TMEM132D: variants seen among roughly 807,000 people sequenced by gnomAD.
TMEM132D encodes mature OL transmembrane protein.
A neutral mutation model predicts 62.3 loss-of-function variants in TMEM132D; 21 were observed. The ratio of observed to expected loss-of-function variants is 0.34; its 90% CI spans 0.24 to 0.49. TMEM132D has a LOEUF of 0.49. Among genes scored for constraint, TMEM132D ranks in the 20% least tolerant of loss-of-function variants. The probability of loss-of-function intolerance (pLI) is 0.99; values close to 1 mark genes in which losing one functional copy is unlikely to be tolerated. For missense variants in TMEM132D, 1,346 were observed against 1,402.8 expected (o/e 0.96, Z 0.65); for synonymous variants, 621 against 575.6 (o/e 1.08, Z -1.13).
At chr12:129,137,179 C>G (rs368266250) in intron 5 of TMEM132D, among the ~76,000 whole-genome samples, 2 of 151,918 alleles carry the variant, frequency 1.3e-5, no homozygotes, top group African/African-American at 4.8e-5. Flanking sequence ...TCATCATCAC[C>G]ACCATCATCA....
At chr12:129,397,401 T>C (rs766137961) in intron 3 of TMEM132D, among the ~76,000 whole-genome samples, 3 of 152,176 alleles carry the variant, frequency 2.0e-5, no homozygotes, top group Non-Finnish European at 4.4e-5. Context: ...CTTTAAAACA[T>C]GCCCAGTCTA....
At chr12:129,768,891 G>A (rs1870641142) in intron 1 of TMEM132D, among the ~76,000 whole-genome samples, 2 of 152,182 alleles carry the variant, frequency 1.3e-5, no homozygotes, top group Non-Finnish European at 1.5e-5. Flanking sequence ...GAACTTTTAG[G>A]ATACTGTGGG....
intron 3 of TMEM132D, among the ~76,000 whole-genome samples, chr12:129,346,171 G>T (rs573569297): frequency 6.6e-5 from 10 of 152,236 alleles, no homozygotes; most frequent in Non-Finnish European, 1.0e-4. Context: ...TCTTTGTAGG[G>T]TGTGTTTGTC....
intron 1 of TMEM132D, among the ~76,000 whole-genome samples, chr12:129,832,035 CTTTTTTTTTTTT>C (rs71085577): frequency 1.2e-4 from 11 of 94,172 alleles, no homozygotes; most frequent in East Asian, 3.2e-4. Flanking sequence ...ATGCCCGGCT[CTTTTTTTTTTTT>C]TTTTTTTTTT....
In TMEM132D at chr12:129,073,745, G is replaced by A. The variant is rs1327168470; in HGVS notation, c.*130C>T. The A allele has an allele frequency of 3.6e-6, 3 of 835,406 alleles. No individual in the cohort carries two copies. Among genetic ancestry groups the A allele is most frequent in the Non-Finnish European group, 5.5e-6 (3 of 544,952 alleles). 51.7% of individuals were successfully genotyped at this position (835,406 alleles called of 1,614,324 possible). A position where few individuals can be genotyped will look rare whatever the true frequency, so the allele number is the denominator to read the frequency against. ...CGCCGCCGAGCCGGGGTCATTGGCT[G>A]AGGCTGTATGGATAGTGTCATCCTT... On this transcript the variant is annotated 3_prime_UTR_variant, in exon 9 of 9. Transcript: ENST00000422113.
chr12:129,074,688 T>A lies in TMEM132D; in HGVS notation c.2487A>T (p.Lys829Asn), dbSNP rs779202020. The A allele has an allele frequency of 6.2e-7, 1 of 1,614,016 alleles. No individual in the cohort carries two copies. The highest frequency in any genetic ancestry group is 1.1e-5 in the South Asian group (1 of 91,070). Residue 829 changes from lysine to asparagine, a missense_variant, in exon 9 of 9, where the codon AAA becomes AAT. Coordinates refer to ENST00000422113, the MANE Select transcript of TMEM132D (RefSeq NM_133448.3). ...ENNVSDRRPKKPSQEWGSQEG... is the reference protein window; with the variant it reads ...ENNVSDRRPKNPSQEWGSQEG... ...CCTGACTCCCCCATTCCTGCGAGGG[T>A]TTTTTGGGCCTTCTGTCACTGACAT...
chr12:129,624,661 G>C (rs543398067), intron 2 of TMEM132D, among the ~76,000 whole-genome samples: 1 of 152,394 alleles, frequency 6.6e-6, no homozygotes, highest in African/African-American at 2.4e-5. Context: ...TCTCCTGCCA[G>C]TGCCTCCCAT....
At position 129,592,091 on chromosome 12, in the gene TMEM132D, C is replaced by T. The variant is rs191387038; in HGVS notation, c.969-60886G>A. Among the ~76,000 whole-genome samples the T allele has an allele frequency of 1.1e-4, 16 of 152,222 alleles. No homozygotes were observed. The East Asian group carries it at 2.7e-3, about 26-fold the overall frequency. ...GATCCGATTTCCATTATAAAAAGTA[C>T]CATGTTTTATTAGAATTTAAACCCC... is the stretch of plus-strand genomic sequence containing the variant. On this transcript the variant is annotated intron_variant, in intron 2 of 8. Coordinates refer to ENST00000422113, the MANE Select transcript of TMEM132D (RefSeq NM_133448.3).
chr12:129,883,780 G>T (rs566423773), intron 1 of TMEM132D, among the ~76,000 whole-genome samples: 1 of 152,046 alleles, frequency 6.6e-6, no homozygotes, highest in African/African-American at 2.4e-5. Flanking sequence ...ATGTAAAGTC[G>T]ATTTAAAAGA....
intron 4 of TMEM132D, among the ~76,000 whole-genome samples, chr12:129,270,722 T>C (rs1313884079): frequency 6.6e-6 from 1 of 152,164 alleles, no homozygotes; most frequent in Non-Finnish European, 1.5e-5. Context: ...GTCACAAGAA[T>C]TATGCACTTT....
At chr12:129,805,351 C>T (rs371041931) in intron 1 of TMEM132D, among the ~76,000 whole-genome samples, 6 of 151,940 alleles carry the variant, frequency 3.9e-5, no homozygotes, top group Non-Finnish European at 7.3e-5. Flanking sequence ...GAGATATAGA[C>T]CAATGGAACA....
At chr12:129,718,552 T>C (rs1868680768) in intron 1 of TMEM132D, among the ~76,000 whole-genome samples, 1 of 152,250 alleles carries the variant, frequency 6.6e-6, no homozygotes, top group Non-Finnish European at 1.5e-5. Context: ...GGTTTACTTA[T>C]GAAGGCCTTT....
chr12:129,292,511 C>T (rs1437622686), intron 4 of TMEM132D, among the ~76,000 whole-genome samples: 2 of 152,102 alleles, frequency 1.3e-5, no homozygotes, highest in Non-Finnish European at 2.9e-5. Flanking sequence ...GGGTTAATGA[C>T]CAAAGGAAAA....
intron 5 of TMEM132D, among the ~76,000 whole-genome samples, chr12:129,100,547 T>C (rs1875269016): frequency 6.6e-6 from 1 of 152,224 alleles, no homozygotes. Flanking sequence ...GAACTTATCT[T>C]TCTGTCTTTC....
At chr12:129,562,845 G>A (rs990097538) in intron 2 of TMEM132D, among the ~76,000 whole-genome samples, 1 of 152,062 alleles carries the variant, frequency 6.6e-6, no homozygotes, top group Non-Finnish European at 1.5e-5. Flanking sequence ...TTTAAGACCC[G>A]GTTTACAGAA....
intron 3 of TMEM132D, among the ~76,000 whole-genome samples, chr12:129,375,784 C>A (rs1222019907): frequency 6.6e-6 from 1 of 152,162 alleles, no homozygotes; most frequent in African/African-American, 2.4e-5. Flanking sequence ...ATCAGGATTT[C>A]AAAAGCATCT....
rs73155290 is a variant in TMEM132D, at chr12:129,556,132, C to T, written c.969-24927G>A. Among the ~76,000 whole-genome samples the T allele has an allele frequency of 5.6e-3, 858 of 152,282 alleles. 5 individuals are homozygous for T. Among genetic ancestry groups the T allele is most frequent in the Admixed American group, 8.8e-3 (135 of 15,298 alleles). ...CCACACTCCCTTTGCCTTCACTACA[C>T]GAGTATCAAGGTTGCTTAAGTCAGT... On this transcript the variant is annotated intron_variant, in intron 2 of 8. Transcript: ENST00000422113.
chr12:129,881,983 G>A (rs1020480975), intron 1 of TMEM132D, among the ~76,000 whole-genome samples: 1 of 151,772 alleles, frequency 6.6e-6, no homozygotes, highest in African/African-American at 2.4e-5. Context: ...GGCTAATAAA[G>A]CAATATCATA....
At chr12:129,432,318 CTTGGATGGATGGATGGATGG>C (rs1872685790) in intron 3 of TMEM132D, among the ~76,000 whole-genome samples, 1 of 35,752 alleles carries the variant, frequency 2.8e-5, no homozygotes, top group East Asian at 2.3e-3. Flanking sequence ...TGGATGGATG[CTTGGATGGATGGATGGATGG>C]ATGGATGGAT....
Sources: gnomAD v4.1 joint callset for allele counts (sites outside exome capture counted in the v4.1 genomes callset) on GRCh38, gnomAD v4.1.1 for gene constraint, MANE v1.5 for transcripts, NCBI Gene and HGNC (gene_info 2026-07-23, HGNC 2026-07-21) for gene names.